PTPRK: variants seen among roughly 807,000 people sequenced by gnomAD.
The protein encoded by PTPRK is receptor-type tyrosine-protein phosphatase kappa.
PTPRK carries 75 observed loss-of-function variants against 178.0 expected under a neutral mutation model. The observed-to-expected ratio is 0.42, with a 90% CI of 0.35 to 0.51. The LOEUF (loss-of-function observed/expected upper bound fraction) is 0.51, where lower values mean the gene tolerates loss of function less well. Among genes scored for constraint, PTPRK ranks in the 20% least tolerant of loss-of-function variants. The pLI is 0.02. For missense variants in PTPRK, 1,441 were observed against 1,797.8 expected (o/e 0.80, Z 3.59); for synonymous variants, 637 against 620.6 (o/e 1.03, Z -0.39).
chr6:128,313,275 A>T (rs1015591953), intron 3 of PTPRK, among the ~76,000 whole-genome samples: 3 of 152,112 alleles, frequency 2.0e-5, no homozygotes, highest in East Asian at 1.9e-4. Context: ...TGATTTTTTT[A>T]AAATTTGTAC....
intron 2 of PTPRK, among the ~76,000 whole-genome samples, chr6:128,325,377 G>A (rs1360209955): frequency 2.6e-5 from 4 of 152,060 alleles, no homozygotes; most frequent in Non-Finnish European, 5.9e-5. Flanking sequence ...TACCATCAGA[G>A]TGAACAGGCA....
At chr6:127,986,981 C>T (rs1167275865) in intron 21 of PTPRK, among the ~76,000 whole-genome samples, 1 of 152,062 alleles carries the variant, frequency 6.6e-6, no homozygotes, top group Admixed American at 6.6e-5. Flanking sequence ...CATGGAATCA[C>T]CCCAATGGAA....
chr6:128,488,887 T>C (rs1342789138), intron 1 of PTPRK, among the ~76,000 whole-genome samples: 2 of 151,838 alleles, frequency 1.3e-5, no homozygotes, highest in African/African-American at 2.4e-5. Flanking sequence ...TACCAACAAA[T>C]AGAGTGTTTT....
intron 7 of PTPRK, among the ~76,000 whole-genome samples, chr6:128,115,723 T>G (rs182003653): frequency 2.0e-5 from 3 of 152,226 alleles, no homozygotes; most frequent in Admixed American, 2.0e-4. Context: ...TGATATACAT[T>G]TTATTATTAG....
At position 128,173,727 on chromosome 6, in the gene PTPRK, T is replaced by A. The variant is rs143823758; in HGVS notation, c.1162+10705A>T. ...TTCTACTGATTCTACCTATCAAATC[T>A]CTTTCAACACCTGTCTCCTCATTGG... On this transcript the variant is annotated intron_variant, in intron 7 of 29. Transcript: ENST00000368226. Among the ~76,000 whole-genome samples, 138 of 152,082 alleles carry A rather than the reference T, an allele frequency of 9.1e-4. 1 individual carries two copies. Among genetic ancestry groups the A allele is most frequent in the African/African-American group, 3.0e-3 (124 of 41,538 alleles).
chr6:128,441,188 T>C (rs912973789), intron 1 of PTPRK, among the ~76,000 whole-genome samples: 4 of 152,222 alleles, frequency 2.6e-5, no homozygotes, highest in Non-Finnish European at 4.4e-5. Flanking sequence ...GCTTAAAGGT[T>C]TATATTTCCT....
intron 1 of PTPRK, among the ~76,000 whole-genome samples, chr6:128,423,863 T>TA (rs1226393376): frequency 2.0e-5 from 3 of 151,464 alleles, no homozygotes; most frequent in Non-Finnish European, 2.9e-5. Context: ...ACATAAAAAA[T>TA]AAAAAATAAC....
chr6:128,239,921 G>A (rs1044990115), intron 5 of PTPRK, 114 bp downstream of exon 5: 27 of 684,986 alleles, frequency 3.9e-5, no homozygotes, highest in South Asian at 2.0e-4. Context: ...CACTACATGC[G>A]TGTGCACACG....
chr6:128,225,529 C>T (rs1367553975), intron 5 of PTPRK, among the ~76,000 whole-genome samples: 1 of 152,056 alleles, frequency 6.6e-6, no homozygotes, highest in Non-Finnish European at 1.5e-5. Flanking sequence ...TTCAGTCTCA[C>T]AGGATGATAA....
intron 1 of PTPRK, among the ~76,000 whole-genome samples, chr6:128,484,700 G>A (rs1852565527): frequency 6.6e-6 from 1 of 152,108 alleles, no homozygotes; most frequent in Non-Finnish European, 1.5e-5. Flanking sequence ...ACAAAGTGTT[G>A]AGAAAATGTT....
At chr6:128,436,158 G>A (rs1845574449) in intron 1 of PTPRK, among the ~76,000 whole-genome samples, 1 of 151,986 alleles carries the variant, frequency 6.6e-6, no homozygotes, top group South Asian at 2.1e-4. Flanking sequence ...CCAAAGCACT[G>A]TTTTAAAATC....
chr6:128,290,264 C>T (rs1823169057), intron 3 of PTPRK, among the ~76,000 whole-genome samples: 1 of 152,062 alleles, frequency 6.6e-6, no homozygotes, highest in Non-Finnish European at 1.5e-5. Context: ...TTAAAACTGA[C>T]ATTTTCTACC....
rs181401715 is a variant in PTPRK, at chr6:128,089,766, G to T, written c.1389C>A (p.Val463=). Residue 463 remains valine, a synonymous_variant, in exon 8 of 30, where the codon GTC becomes GTA. Transcript: ENST00000368226. Reference sequence around the variant, plus strand: ...GATTGGTTAGGATCATCTTGAGGCTGACATTTGTATAAGGTGGCAGATGGT... The same window carrying T: ...GATTGGTTAGGATCATCTTGAGGCTTACATTTGTATAAGGTGGCAGATGGT... The part of the protein sequence containing the change: ...VVNHLPPYTN[V]SLKMILTNPE... 21 of 1,613,352 alleles carry T rather than the reference G, an allele frequency of 1.3e-5. No individual in the cohort carries two copies. The East Asian group carries it at 3.3e-4, about 26-fold the overall frequency.
intron 1 of PTPRK, among the ~76,000 whole-genome samples, chr6:128,463,441 C>T (rs922462377): frequency 1.3e-5 from 2 of 152,110 alleles, no homozygotes; most frequent in African/African-American, 2.4e-5. Flanking sequence ...CTGTGATGTA[C>T]ATTCACCTCT....
intron 2 of PTPRK, among the ~76,000 whole-genome samples, chr6:128,350,495 C>T (rs1054697547): frequency 3.9e-5 from 6 of 152,126 alleles, no homozygotes; most frequent in East Asian, 1.9e-4. Flanking sequence ...ATCAATCCAA[C>T]GACCACTGAT....
chr6:128,433,353 C>T (rs933355406), intron 1 of PTPRK, among the ~76,000 whole-genome samples: 1 of 152,116 alleles, frequency 6.6e-6, no homozygotes, highest in Non-Finnish European at 1.5e-5. Flanking sequence ...TTGAAACTCC[C>T]ACATGTGAAT....
intron 13 of PTPRK, among the ~76,000 whole-genome samples, chr6:128,046,497 C>T (rs917224243): frequency 1.3e-5 from 2 of 152,108 alleles, no homozygotes; most frequent in Admixed American, 6.6e-5. Context: ...AATGGCTAGG[C>T]GAATCTACCA....
chr6:128,279,809 G>T (rs1339407325), intron 3 of PTPRK, among the ~76,000 whole-genome samples: 5 of 152,088 alleles, frequency 3.3e-5, no homozygotes, highest in African/African-American at 1.2e-4. Context: ...AGTATTCGTG[G>T]ATCACAGCTA....
rs907844401 is a variant in PTPRK, at chr6:128,191,489, G to A, written c.869-6764C>T. On this transcript the variant is annotated intron_variant, in intron 6 of 29. Coordinates refer to ENST00000368226, the MANE Select transcript of PTPRK (RefSeq NM_002844.4). ...TTGTTCAGATGAATAAGTTTTGGAG[G>A]TCTACTATAACTATAATATAGGTAA... 2.6e-5 allele frequency among the ~76,000 whole-genome samples: 4 copies of A among 151,848 alleles called. No homozygotes were observed. In the South Asian group the frequency reaches 6.2e-4, roughly 24 times the overall value.
Sources: allele counts gnomAD v4.1 joint callset (sites outside exome capture counted in the v4.1 genomes callset), GRCh38; gene constraint gnomAD v4.1.1; transcripts MANE v1.5; gene names NCBI Gene and HGNC (gene_info 2026-07-23, HGNC 2026-07-21).